GUCY1A1: variants seen among roughly 807,000 people sequenced by gnomAD.
GUCY1A1 encodes the protein guanylate cyclase 1 soluble subunit alpha 1, also known as guanylate cyclase soluble subunit alpha-1.
GUCY1A1 carries 48 observed loss-of-function variants against 64.5 expected under a neutral mutation model. That is an observed-to-expected ratio of 0.74 (90% confidence interval 0.59 to 0.95). The LOEUF is 0.95. Ranked by LOEUF, GUCY1A1 falls within the 40% of genes least tolerant of loss-of-function variation. The pLI, the probability that GUCY1A1 is intolerant of heterozygous loss-of-function variation, is 0.00. For missense variants in GUCY1A1, 804 were observed against 825.3 expected, an observed-to-expected ratio of 0.97 and a Z score of 0.32; for synonymous variants, 308 against 303.4, an observed-to-expected ratio of 1.02 and a Z score of -0.16.
rs35914312 is a variant in GUCY1A1 at position 155,705,539 on chromosome 4, C to CAAAAA, written c.317+1562_317+1566dup. 4.6e-3 allele frequency among the ~76,000 whole-genome samples: 374 copies of CAAAAA among 82,046 alleles called. 1 individual carries two copies. Among genetic ancestry groups the CAAAAA allele is most frequent in the African/African-American group, 0.02 (359 of 17,870 alleles). The allele number at this position is 82,046 out of a possible 152,430, so 53.8% of individuals were successfully genotyped here. On this transcript the variant is annotated intron_variant, in intron 4 of 9. Transcript: ENST00000506455. ...TGGGCGACAGAGTGAGACTCCATCT[C>CAAAAA]AAAAAAAAAAAAAAAAAAAAGTAAT...
At chr4:155,679,130 G>T (rs1328552395) in intron 2 of GUCY1A1, among the ~76,000 whole-genome samples, 1 of 150,772 alleles carries the variant, frequency 6.6e-6, no homozygotes, top group Non-Finnish European at 1.5e-5. Context: ...AAGAGCCAAA[G>T]TATTTTTTTT....
chr4:155,692,631 T>C (rs1729895588), intron 2 of GUCY1A1, among the ~76,000 whole-genome samples: 1 of 152,224 alleles, frequency 6.6e-6, no homozygotes, highest in African/African-American at 2.4e-5. Context: ...TAACTTTTCA[T>C]CTGCTCCTTA....
At chr4:155,690,980 A>G (rs1032775984) in intron 2 of GUCY1A1, among the ~76,000 whole-genome samples, 2 of 152,246 alleles carry the variant, frequency 1.3e-5, no homozygotes, top group Non-Finnish European at 2.9e-5. Flanking sequence ...CAATCCAGTA[A>G]TACCAAAGAA....
intron 2 of GUCY1A1, among the ~76,000 whole-genome samples, chr4:155,696,205 T>A (rs1730384505): frequency 6.6e-6 from 1 of 152,230 alleles, no homozygotes. Context: ...GCCATAATCA[T>A]CTTCATTGAA....
chr4:155,669,141 C>T (rs770486013), intron 2 of GUCY1A1, among the ~76,000 whole-genome samples: 1 of 152,072 alleles, frequency 6.6e-6, no homozygotes, highest in Non-Finnish European at 1.5e-5. Flanking sequence ...AAATATTTCA[C>T]ATAAAATAGA....
intron 5 of GUCY1A1, among the ~76,000 whole-genome samples, chr4:155,710,021 A>G (rs1415088923): frequency 6.6e-6 from 1 of 152,244 alleles, no homozygotes; most frequent in Non-Finnish European, 1.5e-5. Flanking sequence ...ACATTCATTC[A>G]GCTAACACTA....
intron 2 of GUCY1A1, among the ~76,000 whole-genome samples, chr4:155,688,605 C>T (rs72685782): frequency 0.02 from 3,091 of 152,142 alleles, 49 homozygotes; most frequent in Non-Finnish European, 0.03. Flanking sequence ...TGGCTTTTCA[C>T]CTTATATGCA....
chr4:155,711,959 C>CA (rs1465576647), intron 6 of GUCY1A1, among the ~76,000 whole-genome samples: 3 of 151,802 alleles, frequency 2.0e-5, no homozygotes, highest in Non-Finnish European at 2.9e-5. Flanking sequence ...TTTATTGTAG[C>CA]AAAAAAATGA....
rs10003097 is a variant in GUCY1A1 at position 155,675,618 on chromosome 4, C to T, written c.-113+8199C>T. Among the ~76,000 whole-genome samples, 43 of 151,464 alleles carry T rather than the reference C, an allele frequency of 2.8e-4. 3 individuals carry two copies. The highest frequency in any genetic ancestry group is 8.6e-4 in the African/African-American group (35 of 40,798). ...TATCCCAAATAACAATTTAATACAC[C>T]GCAGCATCTATTTCTGCTTATTTTC... On this transcript the variant is annotated intron_variant, in intron 2 of 9. Coordinates refer to ENST00000506455, the MANE Select transcript of GUCY1A1 (RefSeq NM_001130682.3).
chr4:155,708,791 A>G (rs1014253972), intron 5 of GUCY1A1, among the ~76,000 whole-genome samples: 3 of 152,282 alleles, frequency 2.0e-5, no homozygotes, highest in Admixed American at 6.5e-5. Flanking sequence ...AGATATTGAT[A>G]ATAATAATAA....
chr4:155,720,793 A>G (rs1733869822), intron 8 of GUCY1A1, among the ~76,000 whole-genome samples: 1 of 152,182 alleles, frequency 6.6e-6, no homozygotes, highest in Non-Finnish European at 1.5e-5. Flanking sequence ...AAACGCATAC[A>G]TCTAATACAA....
Position 155,713,052 on chromosome 4 carries a change from G to C in GUCY1A1, c.1087-46G>C, listed in dbSNP as rs747494649. On this transcript the variant is annotated intron_variant, in intron 6 of 9. Coordinates refer to ENST00000506455, the MANE Select transcript of GUCY1A1 (RefSeq NM_001130682.3). ...TCCCCTTCTTTTGTCTCAGAAAGAT[G>C]TGGGAAACTTGAATAAACCACAATT... is the stretch of plus-strand genomic sequence containing the variant. 6 of 1,523,740 alleles carry C rather than the reference G, an allele frequency of 3.9e-6. No homozygotes were observed. The East Asian group carries it at 1.4e-4, about 35-fold the overall frequency. The allele number at this position is 1,523,740 out of a possible 1,614,324, so 94.4% of individuals were successfully genotyped here.
chr4:155,683,538 G>A (rs1560919214), intron 2 of GUCY1A1, among the ~76,000 whole-genome samples: 4 of 152,254 alleles, frequency 2.6e-5, no homozygotes, highest in South Asian at 4.1e-4. Flanking sequence ...CTGGAAAATA[G>A]CAAACTTGAT....
chr4:155,731,278 CTT>C lies in GUCY1A1; in HGVS notation c.*1048_*1049del, dbSNP rs1489405908. The C allele has an allele frequency of 1.3e-5, 2 of 151,822 alleles. No homozygotes were observed. The highest frequency in any genetic ancestry group is 2.9e-5 in the Non-Finnish European group (2 of 67,834). 9.4% of individuals were successfully genotyped at this position (151,822 alleles called of 1,614,324 possible). A position where few individuals can be genotyped will look rare whatever the true frequency, so the allele number is the denominator to read the frequency against. On this transcript the variant is annotated 3_prime_UTR_variant, in exon 10 of 10. Transcript: ENST00000506455. The stretch of plus-strand genomic sequence containing the variant: ...CTAAGTATGGAAGTAGAAAATAAGA[CTT>C]GTTCTTTTGGTGGATATCTCATTTT...
intron 2 of GUCY1A1, among the ~76,000 whole-genome samples, chr4:155,685,541 TTCCGCAGC>T (rs1441847092): frequency 6.6e-6 from 1 of 151,920 alleles, no homozygotes; most frequent in Non-Finnish European, 1.5e-5. Flanking sequence ...CTGCTCCAGC[TTCCGCAGC>T]TCCTCCACCG....
rs569618550 is a variant in GUCY1A1, at chr4:155,688,796, AAC to A, written c.-112-7958_-112-7957del. Reference sequence around the variant, plus strand: ...ACTAACAAAAGCAAAAAAGAAAAAAAACAAAACAAAACAAAATCCCCAAAATA... The same window carrying A: ...ACTAACAAAAGCAAAAAAGAAAAAAAAAAACAAAACAAAATCCCCAAAATA... On this transcript the variant is annotated intron_variant, in intron 2 of 9. Transcript: ENST00000506455. Among the ~76,000 whole-genome samples the A allele has an allele frequency of 3.1e-3, 469 of 151,836 alleles. 3 individuals are homozygous for A. The highest frequency in any genetic ancestry group is 9.7e-3 in the African/African-American group (400 of 41,106).
chr4:155,703,193 GC>G (rs1731320079), intron 3 of GUCY1A1, among the ~76,000 whole-genome samples: 1 of 151,990 alleles, frequency 6.6e-6, no homozygotes, highest in Non-Finnish European at 1.5e-5. Flanking sequence ...CAAATGTCTT[GC>G]AAAATAAGGA....
chr4:155,700,107 CT>C (rs1560937187), intron 3 of GUCY1A1, among the ~76,000 whole-genome samples: 1 of 152,058 alleles, frequency 6.6e-6, no homozygotes. Context: ...ATTGTTTGCT[CT>C]TTTTTCATGG....
intron 3 of GUCY1A1, among the ~76,000 whole-genome samples, chr4:155,700,645 A>G (rs1471799199): frequency 6.6e-6 from 1 of 152,190 alleles, no homozygotes; most frequent in Admixed American, 6.5e-5. Flanking sequence ...CAAACTTGAG[A>G]GCACTACAAA....
Sources: gnomAD v4.1 joint callset for allele counts (sites outside exome capture counted in the v4.1 genomes callset) on GRCh38, gnomAD v4.1.1 for gene constraint, MANE v1.5 for transcripts, NCBI Gene and HGNC (gene_info 2026-07-23, HGNC 2026-07-21) for gene names.